Variants in ADARB2 observed in about 807,000 individuals in gnomAD.
ADARB2 encodes the protein adenosine deaminase RNA specific B2 (inactive), also known as inactive double-stranded RNA-specific editase B2.
A neutral mutation model predicts 62.2 loss-of-function variants in ADARB2; 25 were observed. The ratio of observed to expected loss-of-function variants is 0.40; its 90% CI spans 0.29 to 0.56. The LOEUF (loss-of-function observed/expected upper bound fraction) is 0.56. Among genes scored for constraint, ADARB2 ranks in the 20% least tolerant of loss-of-function variants. The pLI is 0.43. For missense variants in ADARB2, 1,071 were observed against 1,077.4 expected (o/e 0.99, Z 0.08); for synonymous variants, 572 against 500.8 (o/e 1.14, Z -1.90).
At chr10:1,647,382 T>C (rs1395896621) in intron 1 of ADARB2, among the ~76,000 whole-genome samples, 1 of 152,088 alleles carries the variant, frequency 6.6e-6, no homozygotes, top group Non-Finnish European at 1.5e-5. Flanking sequence ...TCTATATATG[T>C]ATGCGTATAC....
intron 1 of ADARB2, among the ~76,000 whole-genome samples, chr10:1,546,373 G>A (rs540086052): frequency 2.0e-5 from 3 of 152,308 alleles, no homozygotes; most frequent in Non-Finnish European, 4.4e-5. Context: ...GGCCTCCACG[G>A]GGTGGGAAGG....
chr10:1,602,473 C>T (rs1449489864), intron 1 of ADARB2, among the ~76,000 whole-genome samples: 1 of 152,164 alleles, frequency 6.6e-6, no homozygotes, highest in Non-Finnish European at 1.5e-5. Flanking sequence ...TTCCTCATCC[C>T]TCCGGCATCC....
chr10:1,724,027 T>C (rs1835130878), intron 1 of ADARB2, among the ~76,000 whole-genome samples: 1 of 152,216 alleles, frequency 6.6e-6, no homozygotes, highest in African/African-American at 2.4e-5. Context: ...GTTTTCTCTC[T>C]GTCATGGGCT....
intron 1 of ADARB2, among the ~76,000 whole-genome samples, chr10:1,476,925 C>T (rs145481289): frequency 6.6e-6 from 1 of 152,278 alleles, no homozygotes; most frequent in Non-Finnish European, 1.5e-5. Context: ...CTCGGGAACA[C>T]TCCTGGCCCA....
At chr10:1,669,063 A>G (rs1834347853) in intron 1 of ADARB2, among the ~76,000 whole-genome samples, 1 of 152,174 alleles carries the variant, frequency 6.6e-6, no homozygotes, top group Non-Finnish European at 1.5e-5. Flanking sequence ...ACAAATGGAG[A>G]GGACATTTTA....
chr10:1,510,064 T>G (rs1472820586), intron 1 of ADARB2, among the ~76,000 whole-genome samples: 1 of 147,816 alleles, frequency 6.8e-6, no homozygotes, highest in African/African-American at 2.6e-5. Context: ...TCTCTCTCAC[T>G]CTTTCTTTCT....
chr10:1,496,144 C>A (rs1831687815), intron 1 of ADARB2, among the ~76,000 whole-genome samples: 1 of 151,560 alleles, frequency 6.6e-6, no homozygotes, highest in Admixed American at 6.6e-5. Flanking sequence ...TCATCATAAT[C>A]ACCATCATTA....
chr10:1,489,882 G>A (rs1158597395), intron 1 of ADARB2, among the ~76,000 whole-genome samples: 1 of 152,122 alleles, frequency 6.6e-6, no homozygotes, highest in South Asian at 2.1e-4. Context: ...TGAATGAGAG[G>A]GGGTCAAAAT....
intron 1 of ADARB2, among the ~76,000 whole-genome samples, chr10:1,410,721 T>G (rs986555057): frequency 2.0e-5 from 3 of 152,056 alleles, no homozygotes; most frequent in African/African-American, 7.2e-5. Context: ...CTCCTTCACT[T>G]TCAGGGTCAG....
At chr10:1,490,443 A>G (rs73582338) in intron 1 of ADARB2, among the ~76,000 whole-genome samples, 3,533 of 152,112 alleles carry the variant, frequency 0.023, 125 homozygotes, top group African/African-American at 0.077. Flanking sequence ...ACTGCTTTTA[A>G]TTTTTATTTT....
chr10:1,464,622 G>A (rs373768336), intron 1 of ADARB2, among the ~76,000 whole-genome samples: 2 of 59,910 alleles, frequency 3.3e-5, no homozygotes, highest in African/African-American at 1.1e-4. Flanking sequence ...CGCGCTGGGG[G>A]CAGTCACAGC....
chr10:1,495,577 C>T (rs879580386), intron 1 of ADARB2, among the ~76,000 whole-genome samples: 4 of 152,066 alleles, frequency 2.6e-5, no homozygotes, highest in Admixed American at 2.6e-4. Flanking sequence ...GGAGCTGCCT[C>T]CAGTCTTTAA....
At chr10:1,672,098 C>G (rs1354817227) in intron 1 of ADARB2, among the ~76,000 whole-genome samples, 1 of 141,692 alleles carries the variant, frequency 7.1e-6, no homozygotes, top group East Asian at 2.3e-4. Context: ...AGGTGGGCAT[C>G]AAGCAGAGCC....
intron 3 of ADARB2, among the ~76,000 whole-genome samples, chr10:1,353,522 C>A (rs1406130934): frequency 6.6e-6 from 1 of 152,134 alleles, no homozygotes; most frequent in Non-Finnish European, 1.5e-5. Context: ...CAAGACCTCC[C>A]CAGACATTTC....
intron 1 of ADARB2, among the ~76,000 whole-genome samples, chr10:1,527,714 A>G (rs1299317525): frequency 6.6e-6 from 1 of 152,202 alleles, no homozygotes; most frequent in Admixed American, 6.5e-5. Flanking sequence ...CAGATAGTCT[A>G]TCAGAATAAT....
chr10:1,298,907 GTTTTTA>G (rs1301535080), intron 3 of ADARB2, among the ~76,000 whole-genome samples: 1 of 151,254 alleles, frequency 6.6e-6, no homozygotes, highest in Non-Finnish European at 1.5e-5. Flanking sequence ...GCCCGGTTAA[GTTTTTA>G]TTTTTATTTT....
chr10:1,371,681 C>G (rs2131855338), intron 2 of ADARB2, among the ~76,000 whole-genome samples: 1 of 151,240 alleles, frequency 6.6e-6, no homozygotes, highest in Middle Eastern at 3.4e-3. Flanking sequence ...ATATAAGCAG[C>G]CAACAAACAT....
At chr10:1,531,624 G>A (rs1296644812) in intron 1 of ADARB2, among the ~76,000 whole-genome samples, 1 of 152,182 alleles carries the variant, frequency 6.6e-6, no homozygotes, top group Non-Finnish European at 1.5e-5. Context: ...GGATCACAAG[G>A]TTTGGAGTTT....
chr10:1,440,062 G>C (rs1377464997), intron 1 of ADARB2, among the ~76,000 whole-genome samples: 1 of 151,090 alleles, frequency 6.6e-6, no homozygotes, highest in Non-Finnish European at 1.5e-5. Flanking sequence ...GATGGAGGCA[G>C]GTTCTTCACT....
Sources: gnomAD v4.1 joint callset for allele counts (sites outside exome capture counted in the v4.1 genomes callset) on GRCh38, gnomAD v4.1.1 for gene constraint, MANE v1.5 for transcripts, NCBI Gene and HGNC (gene_info 2026-07-23, HGNC 2026-07-21) for gene names.